STPG2: variants seen among roughly 807,000 people sequenced by gnomAD.
STPG2 encodes the protein sperm tail PG-rich repeat containing 2, also known as sperm-tail PG-rich repeat-containing protein 2.
Under a neutral mutation model 54.2 loss-of-function variants are expected in STPG2, and 56 were observed. The observed-to-expected ratio is 1.03, with a 90% CI of 0.83 to 1.29. The LOEUF is 1.29. STPG2 is among the 50% of genes most tolerant of loss of function. The pLI is 0.00. For synonymous variants in STPG2, 200 were observed against 181.8 expected (o/e 1.10, Z -0.81); for missense variants, 596 against 544.9 (o/e 1.09, Z -0.93).
intron 9 of STPG2, among the ~76,000 whole-genome samples, chr4:97,736,665 C>T (rs1223268433): frequency 6.6e-6 from 1 of 152,196 alleles, no homozygotes; most frequent in African/African-American, 2.4e-5. Flanking sequence ...GGAGGGGCAC[C>T]TGTCATTGCC....
chr4:97,486,825 G>GTATATATATA (rs1243234512), intron 4 of STPG2, among the ~76,000 whole-genome samples: 2 of 130,838 alleles, frequency 1.5e-5, no homozygotes, highest in Admixed American at 7.5e-5. Context: ...GTGTGTGTGT[G>GTATATATATA]TGTGTATATA....
At chr4:97,844,131 T>C (rs1728878722) in intron 8 of STPG2, among the ~76,000 whole-genome samples, 1 of 151,896 alleles carries the variant, frequency 6.6e-6, no homozygotes, top group Non-Finnish European at 1.5e-5. Flanking sequence ...TTTTTCAATT[T>C]CATTCAAGGC....
chr4:97,843,317 T>C (rs1159882334), intron 8 of STPG2, among the ~76,000 whole-genome samples: 2 of 151,898 alleles, frequency 1.3e-5, no homozygotes, highest in Non-Finnish European at 1.5e-5. Context: ...CTGGCTCTCA[T>C]CTTCCTGGTC....
At chr4:97,644,304 C>G (rs941166049) in intron 10 of STPG2, among the ~76,000 whole-genome samples, 1 of 151,914 alleles carries the variant, frequency 6.6e-6, no homozygotes, top group African/African-American at 2.4e-5. Flanking sequence ...AGTTTCTTTC[C>G]CTTTCAAAGA....
At chr4:97,740,006 T>C (rs1484419227) in intron 9 of STPG2, among the ~76,000 whole-genome samples, 1 of 152,014 alleles carries the variant, frequency 6.6e-6, no homozygotes, top group African/African-American at 2.4e-5. Context: ...ATCAAAAAGC[T>C]TATCCACCAT....
rs150068765 is a variant in STPG2 at position 97,712,746 on chromosome 4, G to T, written c.1273C>A (p.Arg425Ser). The T allele has an allele frequency of 4.3e-6, 7 of 1,609,788 alleles. No individual in the cohort carries two copies. In the South Asian group the frequency reaches 5.5e-5, roughly 13 times the overall value. The change falls in exon 10 of 11, where the codon CGC becomes AGC. Residue 425 changes from arginine (R) to serine (S), a missense_variant. Arg to Ser is a moderately radical substitution (Grantham distance 110). Coordinates refer to ENST00000295268, the MANE Select transcript of STPG2 (RefSeq NM_174952.3). ...GTAATCTCTTTGGACTCTTCAAAGCGCTTTGATGCTTTCACAAATAAGGGT... is the reference window on the plus strand; with the variant it reads ...GTAATCTCTTTGGACTCTTCAAAGCTCTTTGATGCTTTCACAAATAAGGGT... ...PIPLFVKASK[R>S]FEESKEITPG...
chr4:98,030,005 G>A (rs745653240), intron 5 of STPG2, among the ~76,000 whole-genome samples: 4 of 152,060 alleles, frequency 2.6e-5, no homozygotes, highest in Non-Finnish European at 4.4e-5. Context: ...ACCTTGGAGG[G>A]GATATTTTGA....
chr4:98,140,979 A>T lies in STPG2; in HGVS notation c.109+2063T>A, dbSNP rs375603831. Among the ~76,000 whole-genome samples the T allele has an allele frequency of 1.1e-4, 16 of 152,320 alleles. 1 individual carries two copies. The highest frequency in any genetic ancestry group is 3.8e-4 in the African/African-American group (16 of 41,570). ...ATGGATAGCAAATGAGAAAGTACAC[A>T]CGAGAAAAGTAACAAGCAAAGGATT... On this transcript the variant is annotated intron_variant, in intron 1 of 10. Coordinates refer to ENST00000295268, the MANE Select transcript of STPG2 (RefSeq NM_174952.3).
At chr4:97,702,485 G>A (rs1447814339) in intron 10 of STPG2, among the ~76,000 whole-genome samples, 7 of 152,120 alleles carry the variant, frequency 4.6e-5, no homozygotes, top group Admixed American at 4.6e-4. Context: ...CTTTAATCTA[G>A]TTATAGGTCT....
chr4:97,808,838 C>T (rs1727651898), intron 9 of STPG2, among the ~76,000 whole-genome samples: 1 of 151,216 alleles, frequency 6.6e-6, no homozygotes, highest in Admixed American at 6.6e-5. Context: ...TATGTAAACA[C>T]ACATGCATAC....
chr4:97,458,641 GC>G (rs1333658041), intron 4 of STPG2, among the ~76,000 whole-genome samples: 1 of 152,046 alleles, frequency 6.6e-6, no homozygotes, highest in Non-Finnish European at 1.5e-5. Flanking sequence ...AGTGATTAAT[GC>G]CTTTTCAAAG....
intron 9 of STPG2, among the ~76,000 whole-genome samples, chr4:97,796,591 T>C (rs1727189509): frequency 6.6e-6 from 1 of 152,216 alleles, no homozygotes; most frequent in Non-Finnish European, 1.5e-5. Flanking sequence ...CCATGCTGTT[T>C]TGGTTACTGT....
At chr4:97,488,065 A>G (rs1053976141) in intron 4 of STPG2, among the ~76,000 whole-genome samples, 3 of 151,598 alleles carry the variant, frequency 2.0e-5, no homozygotes, top group African/African-American at 7.3e-5. Context: ...AATAACTACA[A>G]TTCTGAAGTT....
intron 4 of STPG2, among the ~76,000 whole-genome samples, chr4:97,466,298 C>T (rs1729787457): frequency 6.6e-6 from 1 of 151,980 alleles, no homozygotes; most frequent in Non-Finnish European, 1.5e-5. Context: ...AGTTAGGATA[C>T]ATCTGCATCA....
intron 9 of STPG2, among the ~76,000 whole-genome samples, chr4:97,719,414 T>C (rs13140687): frequency 0.59 from 89,502 of 151,686 alleles, 26,714 homozygotes; most frequent in South Asian, 0.68. Context: ...AGTGTAAAAA[T>C]GAAGATTCCT....
At chr4:97,727,195 AG>A (rs1724651490) in intron 9 of STPG2, among the ~76,000 whole-genome samples, 1 of 151,930 alleles carries the variant, frequency 6.6e-6, no homozygotes, top group Non-Finnish European at 1.5e-5. Context: ...TAAGTATATT[AG>A]GCATATAATG....
chr4:97,767,574 G>T (rs776584500), intron 9 of STPG2, among the ~76,000 whole-genome samples: 1 of 152,078 alleles, frequency 6.6e-6, no homozygotes, highest in African/African-American at 2.4e-5. Context: ...TTATGTTTCT[G>T]TGCAGTTTGT....
chr4:97,635,014 G>T (rs573498239), intron 10 of STPG2, among the ~76,000 whole-genome samples: 1 of 152,014 alleles, frequency 6.6e-6, no homozygotes, highest in South Asian at 2.1e-4. Context: ...TCCTCCAGAA[G>T]AGCAACTCCA....
In STPG2 at chr4:97,609,424, C is replaced by A. The variant is rs113847771; in HGVS notation, c.1321-50307G>T. On this transcript the variant is annotated intron_variant, in intron 10 of 10. Coordinates refer to ENST00000295268, the MANE Select transcript of STPG2 (RefSeq NM_174952.3). ...TGTAGTTCTCTGACCAAGCATAGATCATTTCCCTATTCAGGAGAAGAGATT... is the reference window on the plus strand; with the variant it reads ...TGTAGTTCTCTGACCAAGCATAGATAATTTCCCTATTCAGGAGAAGAGATT... Among the ~76,000 whole-genome samples, 824 of 152,090 alleles carry A rather than the reference C, an allele frequency of 5.4e-3. 6 individuals carry two copies. The highest frequency in any genetic ancestry group is 0.02 in the Middle Eastern group (6 of 294).
Sources: gnomAD v4.1 joint callset for allele counts (sites outside exome capture counted in the v4.1 genomes callset) on GRCh38, gnomAD v4.1.1 for gene constraint, MANE v1.5 for transcripts, NCBI Gene and HGNC (gene_info 2026-07-23, HGNC 2026-07-21) for gene names.